TRPM7: variants seen among roughly 807,000 people sequenced by gnomAD.
TRPM7 encodes LTRPC ion channel family member 7.
In TRPM7, 134 loss-of-function variants were observed where a neutral mutation model predicts 229.7. The observed-to-expected ratio is 0.58, with a 90% CI of 0.51 to 0.67. The LOEUF (loss-of-function observed/expected upper bound fraction) is 0.67, where lower values mean the gene tolerates loss of function less well. Among genes scored for constraint, TRPM7 ranks in the 30% least tolerant of loss-of-function variants. TRPM7 has a pLI of 0.00. For synonymous variants in TRPM7, 699 were observed against 715.2 expected, an observed-to-expected ratio of 0.98 and a Z score of 0.36; for missense variants, 1,901 against 2,210.0, an observed-to-expected ratio of 0.86 and a Z score of 2.80.
intron 28 of TRPM7, among the ~76,000 whole-genome samples, chr15:50,585,941 G>C (rs2059330006): frequency 6.6e-6 from 1 of 152,144 alleles, no homozygotes; most frequent in African/African-American, 2.4e-5. Flanking sequence ...GACTGTATAA[G>C]CATGAAACTC....
At chr15:50,686,192 A>G in intron 1 of TRPM7, among the ~76,000 whole-genome samples, 1 of 152,208 alleles carries the variant, frequency 6.6e-6, no homozygotes, top group East Asian at 1.9e-4. Context: ...TTGTAGGCTG[A>G]GCCCTGCGTC....
chr15:50,578,397 T>C (rs1280743340), intron 31 of TRPM7, among the ~76,000 whole-genome samples: 2 of 152,190 alleles, frequency 1.3e-5, no homozygotes, highest in African/African-American at 4.8e-5. Flanking sequence ...GCAGGCTGTA[T>C]AGCAGAGACC....
intron 23 of TRPM7, among the ~76,000 whole-genome samples, chr15:50,595,818 T>C (rs982477721): frequency 6.6e-6 from 1 of 152,122 alleles, no homozygotes; most frequent in African/African-American, 2.4e-5. Flanking sequence ...GAGCCAAGAT[T>C]GTGCCACTCC....
intron 1 of TRPM7, among the ~76,000 whole-genome samples, chr15:50,667,883 G>A (rs2061919160): frequency 6.6e-6 from 1 of 152,142 alleles, no homozygotes; most frequent in African/African-American, 2.4e-5. Flanking sequence ...AATGGTGTTT[G>A]GCTTTCTTTG....
chr15:50,575,326 T>C (rs1192497852), intron 33 of TRPM7, among the ~76,000 whole-genome samples, 191 bp from the exon 34 acceptor site: 1 of 152,222 alleles, frequency 6.6e-6, no homozygotes, highest in African/African-American at 2.4e-5. Flanking sequence ...TTTGAATTCA[T>C]GTGTAATGTT....
chr15:50,642,369 A>G (rs541176779), intron 5 of TRPM7, among the ~76,000 whole-genome samples: 18 of 152,222 alleles, frequency 1.2e-4, no homozygotes, highest in Admixed American at 2.0e-4. Context: ...AAATAGCCAT[A>G]GACAATATAT....
intron 1 of TRPM7, among the ~76,000 whole-genome samples, chr15:50,681,670 A>G (rs1288583608): frequency 6.6e-6 from 1 of 152,220 alleles, no homozygotes; most frequent in East Asian, 1.9e-4. Context: ...GACTTAGCTC[A>G]AAAGCTTTTT....
Position 50,561,745 on chromosome 15 carries a change from A to T in TRPM7, c.5531T>A (p.Leu1844Ter). 6.2e-7 allele frequency: 1 copy of T among 1,613,510 alleles called. No individual in the cohort carries two copies. The highest frequency in any genetic ancestry group is 1.1e-5 in the South Asian group (1 of 90,994). The change falls in exon 39 of 39, where the codon TTG (leucine) becomes TAG (stop). Residue 1844 changes from leucine to a stop codon, truncating the protein, a stop_gained. Transcript: ENST00000646667. LOFTEE classifies it high-confidence loss of function. ...GGTGGAATTTCCAGGCTGAAGATTC[A>T]AATCTGAAGGCTCATCCTGAGGAAA... ...IIFPQDEPSDLNLQPGNSTKE... is the reference protein window; with the variant it reads ...IIFPQDEPSD
At chr15:50,632,558 A>G (rs933944643) in intron 9 of TRPM7, among the ~76,000 whole-genome samples, 1 of 152,166 alleles carries the variant, frequency 6.6e-6, no homozygotes, top group Non-Finnish European at 1.5e-5. Context: ...TATTAGAGAA[A>G]CCATTAACAA....
intron 29 of TRPM7, among the ~76,000 whole-genome samples, chr15:50,581,397 G>A (rs544039716): frequency 6.6e-6 from 1 of 152,008 alleles, no homozygotes; most frequent in East Asian, 1.9e-4. Context: ...TACTTGGGAG[G>A]CTGAGGCAGG....
intron 30 of TRPM7, 54 bp from the exon 31 acceptor site, chr15:50,578,718 C>T: frequency 7.3e-7 from 1 of 1,366,142 alleles, no homozygotes; most frequent in Non-Finnish European, 9.8e-7. Flanking sequence ...TAAGTTTTGG[C>T]TATCATTTAA....
intron 7 of TRPM7, among the ~76,000 whole-genome samples, chr15:50,635,445 C>T (rs541612142): frequency 2.6e-5 from 4 of 151,046 alleles, no homozygotes; most frequent in African/African-American, 4.9e-5. Flanking sequence ...GGGCAGATCA[C>T]GAGGTCAGGA....
At chr15:50,578,772 G>T in intron 30 of TRPM7, 108 bp from the exon 31 acceptor site, 1 of 620,476 alleles carries the variant, frequency 1.6e-6, no homozygotes. Flanking sequence ...TATTATTAAG[G>T]AAATTCTGAA....
intron 6 of TRPM7, among the ~76,000 whole-genome samples, chr15:50,637,909 A>G (rs1232223458): frequency 1.3e-5 from 2 of 152,220 alleles, no homozygotes; most frequent in Non-Finnish European, 2.9e-5. Flanking sequence ...TTAAGTGACT[A>G]AACTACAATA....
intron 10 of TRPM7, among the ~76,000 whole-genome samples, 185 bp from the exon 11 acceptor site, chr15:50,628,434 G>C (rs2060631413): frequency 6.6e-6 from 1 of 151,874 alleles, no homozygotes. Context: ...TAGCCTCCAA[G>C]TAGCCGAGAC....
At chr15:50,588,252 T>C in intron 27 of TRPM7, 1 of 984,776 alleles carries the variant, frequency 1.0e-6, no homozygotes, top group Non-Finnish European at 1.2e-6. Context: ...CTGCTGCTCC[T>C]ATTTGAGGTA....
intron 1 of TRPM7, among the ~76,000 whole-genome samples, chr15:50,671,504 T>C (rs1188958274): frequency 6.6e-6 from 1 of 152,184 alleles, no homozygotes; most frequent in Non-Finnish European, 1.5e-5. Context: ...ATAATGGACC[T>C]GAAAAATTCC....
chr15:50,655,859 G>A (rs181427721), intron 3 of TRPM7, among the ~76,000 whole-genome samples: 1 of 152,054 alleles, frequency 6.6e-6, no homozygotes, highest in African/African-American at 2.4e-5. Flanking sequence ...GCATGGTGGT[G>A]TGTGCCTGTA....
At chr15:50,569,341 A>T (rs1253773653) in intron 38 of TRPM7, among the ~76,000 whole-genome samples, 2 of 152,186 alleles carry the variant, frequency 1.3e-5, no homozygotes, top group Non-Finnish European at 2.9e-5. Context: ...ATGAGACAAT[A>T]TATTTACAGT....
Sources: gnomAD v4.1 joint callset for allele counts (sites outside exome capture counted in the v4.1 genomes callset) on GRCh38, gnomAD v4.1.1 for gene constraint, MANE v1.5 for transcripts, NCBI Gene and HGNC (gene_info 2026-07-23, HGNC 2026-07-21) for gene names.